CASR: variants seen among roughly 807,000 people sequenced by gnomAD.
The protein encoded by CASR is calcium sensing receptor.
Under a neutral mutation model 69.1 loss-of-function variants are expected in CASR, and 23 were observed. That is an observed-to-expected ratio of 0.33 (90% CI 0.24 to 0.47). The LOEUF (loss-of-function observed/expected upper bound fraction) is 0.47, where lower values mean the gene tolerates loss of function less well. CASR is among the 20% of genes least tolerant of loss of function. The probability of loss-of-function intolerance (pLI) is 1.00; values close to 1 mark genes in which losing one functional copy is unlikely to be tolerated. For synonymous variants in CASR, 541 were observed against 544.7 expected (o/e 0.99, Z 0.10); for missense variants, 924 against 1,356.1 (o/e 0.68, Z 5.00).
intron 1 of CASR, among the ~76,000 whole-genome samples, chr3:122,237,954 A>G (rs2074344824): frequency 6.6e-6 from 1 of 152,236 alleles, no homozygotes; most frequent in Admixed American, 6.5e-5. Context: ...TACATTCACA[A>G]AAAGGCATGT....
intron 1 of CASR, among the ~76,000 whole-genome samples, chr3:122,190,283 T>A (rs999914806): frequency 6.6e-6 from 1 of 152,206 alleles, no homozygotes; most frequent in Non-Finnish European, 1.5e-5. Flanking sequence ...GGAAAGGTAG[T>A]GAGGAGGCTA....
At position 122,262,239 on chromosome 3, in the gene CASR, A is replaced by G; in HGVS notation, c.1204A>G (p.Ser402Gly). 1.2e-6 allele frequency: 2 copies of G among 1,614,218 alleles called. No homozygotes were observed. The highest frequency in any genetic ancestry group is 4.5e-5 in the East Asian group (2 of 44,886). ...CCTCTGTACAGGGGATGAGAACATC[A>G]GCAGTGTCGAGACCCCTTACATAGA... Reference protein sequence around the residue: ...RPLCTGDENISSVETPYIDYT... With the variant: ...RPLCTGDENIGSVETPYIDYT... Residue 402 changes from serine (S) to glycine (G), a missense_variant, in exon 4 of 7, where the codon AGC becomes GGC. Transcript: ENST00000639785.
chr3:122,187,013 G>T (rs906008233), intron 1 of CASR, among the ~76,000 whole-genome samples: 1 of 152,168 alleles, frequency 6.6e-6, no homozygotes, highest in Non-Finnish European at 1.5e-5. Flanking sequence ...ATAATTAAAT[G>T]TTTCAATTAA....
At chr3:122,225,443 G>T (rs1232179530) in intron 1 of CASR, among the ~76,000 whole-genome samples, 1 of 151,700 alleles carries the variant, frequency 6.6e-6, no homozygotes, top group Non-Finnish European at 1.5e-5. Context: ...ACATACATGT[G>T]GCCAAATGTA....
intron 1 of CASR, among the ~76,000 whole-genome samples, chr3:122,222,871 A>G (rs1185785598): frequency 6.6e-6 from 1 of 152,002 alleles, no homozygotes; most frequent in Non-Finnish European, 1.5e-5. Context: ...CAACCACACT[A>G]TTGGACCACA....
intron 1 of CASR, among the ~76,000 whole-genome samples, chr3:122,215,778 G>T (rs1022552302): frequency 1.1e-4 from 16 of 152,320 alleles, no homozygotes; most frequent in African/African-American, 3.8e-4. Flanking sequence ...GCCAAGTCAG[G>T]TATAATTGGT....
At position 122,285,482 on chromosome 3, in the gene CASR, C is replaced by G. The variant is rs199514215; in HGVS notation, c.*291C>G. 1 of 406,136 alleles carries G rather than the reference C, an allele frequency of 2.5e-6. No individual in the cohort carries two copies. Among genetic ancestry groups the G allele is most frequent in the Admixed American group, 3.6e-5 (1 of 27,688 alleles). The allele number at this position is 406,136 out of a possible 1,614,324, so 25.2% of individuals were successfully genotyped here. A position where few individuals can be genotyped will look rare whatever the true frequency, so the allele number is the denominator to read the frequency against. On this transcript the variant is annotated 3_prime_UTR_variant, in exon 7 of 7. Transcript: ENST00000639785. ...CTAATGTCTCTTCCTCTGTTCTATC[C>G]CACCCAACAGCTCAGAGATGAAACT...
chr3:122,278,993 G>A (rs535062981), intron 5 of CASR, among the ~76,000 whole-genome samples: 7 of 152,228 alleles, frequency 4.6e-5, no homozygotes, highest in South Asian at 2.1e-4. Context: ...TACTAAGTGC[G>A]TCCCCATGAC....
chr3:122,217,750 G>T (rs914157487), intron 1 of CASR, among the ~76,000 whole-genome samples: 1 of 152,002 alleles, frequency 6.6e-6, no homozygotes, highest in South Asian at 2.1e-4. Context: ...AGTAATAACC[G>T]TACCATTCTG....
Position 122,244,973 on chromosome 3 carries a change from A to G in CASR, c.-242-8975A>G, listed in dbSNP as rs573961646. 8.4e-3 allele frequency among the ~76,000 whole-genome samples: 1,280 copies of G among 152,236 alleles called. 8 individuals carry two copies. The highest frequency in any genetic ancestry group is 0.017 in the Middle Eastern group (5 of 294). On this transcript the variant is annotated intron_variant, in intron 1 of 6. Transcript: ENST00000639785. ...GTCCCTTCATATAGCCATTGTTTTA[A>G]TAACATTCTACCACATATTTTCTGG...
intron 4 of CASR, among the ~76,000 whole-genome samples, chr3:122,274,844 G>C (rs1306146432): frequency 2.0e-5 from 3 of 152,156 alleles, no homozygotes; most frequent in African/African-American, 7.2e-5. Context: ...TTACTCTCAC[G>C]TGGTGTCACA....
At chr3:122,201,918 G>A (rs1190546986) in intron 1 of CASR, among the ~76,000 whole-genome samples, 3 of 151,118 alleles carry the variant, frequency 2.0e-5, no homozygotes, top group South Asian at 2.1e-4. Context: ...GGGCAGAGAC[G>A]CTCCTCACTT....
At chr3:122,279,518 AG>A (rs1014582162) in intron 5 of CASR, among the ~76,000 whole-genome samples, 7 of 152,230 alleles carry the variant, frequency 4.6e-5, no homozygotes, top group African/African-American at 1.7e-4. Flanking sequence ...CTGCTAGTAG[AG>A]TTAGTGGTGA....
At chr3:122,187,914 C>T (rs2073802872) in intron 1 of CASR, among the ~76,000 whole-genome samples, 1 of 152,188 alleles carries the variant, frequency 6.6e-6, no homozygotes, top group South Asian at 2.1e-4. Flanking sequence ...GGTTCTGCCA[C>T]TTTCTAGCTG....
At chr3:122,210,393 A>T (rs1251199686) in intron 1 of CASR, among the ~76,000 whole-genome samples, 1 of 152,226 alleles carries the variant, frequency 6.6e-6, no homozygotes, top group Non-Finnish European at 1.5e-5. Flanking sequence ...GCAAAGTCTC[A>T]GGATACAAAA....
intron 1 of CASR, among the ~76,000 whole-genome samples, chr3:122,223,126 T>G (rs148343335): frequency 3.9e-5 from 6 of 152,200 alleles, no homozygotes; most frequent in South Asian, 4.1e-4. Context: ...TAGAAATATC[T>G]TAAATTAACA....
chr3:122,229,644 T>C (rs2074261026), intron 1 of CASR, among the ~76,000 whole-genome samples: 1 of 152,212 alleles, frequency 6.6e-6, no homozygotes, highest in African/African-American at 2.4e-5. Context: ...GGTGGATCAC[T>C]TGAAGCCAGA....
intron 1 of CASR, among the ~76,000 whole-genome samples, chr3:122,248,589 T>A (rs968991054): frequency 3.3e-5 from 5 of 151,716 alleles, no homozygotes; most frequent in African/African-American, 1.2e-4. Context: ...ATAATTCTCT[T>A]TTTTCTAGGC....
chr3:122,257,597 A>C, intron 3 of CASR: 1 of 528,168 alleles, frequency 1.9e-6, no homozygotes, highest in East Asian at 3.0e-5. Context: ...TGCTTCCAAA[A>C]TTCTTTTAAA....
Sources: gnomAD v4.1 joint callset for allele counts (sites outside exome capture counted in the v4.1 genomes callset) on GRCh38, gnomAD v4.1.1 for gene constraint, MANE v1.5 for transcripts, NCBI Gene and HGNC (gene_info 2026-07-23, HGNC 2026-07-21) for gene names.